TOPBP1: variants seen among roughly 807,000 people sequenced by gnomAD.
TOPBP1 encodes DNA topoisomerase II binding protein 1, also known as DNA topoisomerase 2-binding protein 1.
In TOPBP1, 28 loss-of-function variants were observed where a neutral mutation model predicts 167.7. The observed-to-expected ratio is 0.17, with a 90% CI of 0.12 to 0.23. TOPBP1 has a LOEUF of 0.23. Ranked by LOEUF, TOPBP1 falls within the 10% of genes least tolerant of loss-of-function variation. The pLI, the probability that TOPBP1 is intolerant of heterozygous loss-of-function variation, is 1.00. For missense variants in TOPBP1, 1,554 were observed against 1,809.6 expected, an observed-to-expected ratio of 0.86 and a Z score of 2.56; for synonymous variants, 598 against 611.4, an observed-to-expected ratio of 0.98 and a Z score of 0.32.
intron 20 of TOPBP1, 45 bp from the exon 21 acceptor site, chr3:133,618,478 C>G: frequency 6.3e-7 from 1 of 1,576,004 alleles, no homozygotes; most frequent in Non-Finnish European, 8.7e-7. Context: ...AATAACAAAT[C>G]CAAACTCATT....
rs1231603629 is a variant in TOPBP1 at position 133,601,409 on chromosome 3, T to C, written c.4426-16A>G. 1 of 1,448,808 alleles carries C rather than the reference T, an allele frequency of 6.9e-7. No homozygotes were observed. The highest frequency in any genetic ancestry group is 1.5e-5 in the African/African-American group (1 of 67,942). The allele number at this position is 1,448,808 out of a possible 1,614,324, so 89.7% of individuals were successfully genotyped here. A position where few individuals can be genotyped will look rare whatever the true frequency, so the allele number is the denominator to read the frequency against. ...GAGGTGATTCCTATAAAAGGAAAAATAAGTGATTTTTTAAAATGATTTCAA... is the reference window on the plus strand; with the variant it reads ...GAGGTGATTCCTATAAAAGGAAAAACAAGTGATTTTTTAAAATGATTTCAA... On this transcript the variant is annotated splice_polypyrimidine_tract_variant and intron_variant, in intron 27 of 27. Coordinates refer to ENST00000260810, the MANE Select transcript of TOPBP1 (RefSeq NM_007027.4).
rs1331443615 is a variant in TOPBP1 at position 133,659,409 on chromosome 3, C to T, written c.85-259G>A. ...CTGCTCAAAACCTAATGTCTTCACA[C>T]CACACCCAGAATAAAATCCACATTT... On this transcript the variant is annotated intron_variant, in intron 2 of 27. Coordinates refer to ENST00000260810, the MANE Select transcript of TOPBP1 (RefSeq NM_007027.4). Among the ~76,000 whole-genome samples the T allele has an allele frequency of 2.0e-5, 3 of 152,252 alleles. No homozygotes were observed. The East Asian group carries it at 5.8e-4, about 29-fold the overall frequency.
chr3:133,632,369 C>T (rs896282763), intron 14 of TOPBP1, among the ~76,000 whole-genome samples: 1 of 152,004 alleles, frequency 6.6e-6, no homozygotes, highest in Non-Finnish European at 1.5e-5. Flanking sequence ...CATGCCACCG[C>T]ACTTCAGCCT....
At chr3:133,616,745 T>C (rs1934903543) in intron 23 of TOPBP1, 69 bp downstream of exon 23, 1 of 863,148 alleles carries the variant, frequency 1.2e-6, no homozygotes, top group Admixed American at 3.5e-5. Flanking sequence ...GATATTAATA[T>C]TGACTACATT....
At chr3:133,628,494 A>G (rs1340048313) in intron 15 of TOPBP1, 23 bp from the exon 16 acceptor site, 5 of 1,606,760 alleles carry the variant, frequency 3.1e-6, no homozygotes, top group Non-Finnish European at 4.3e-6. Flanking sequence ...AATAAAAGAA[A>G]CAGATCAGTC....
Position 133,616,820 on chromosome 3 carries a change from T to G in TOPBP1, c.3865A>C (p.Lys1289Gln). ...ERIDYCHLIE[K>Q]LGGLVIEKQC... ...TTAAGTAAAATACTGGTACCTAGTT[T>G]CTCAATCAGATGACAATAGTCAATA... Residue 1289 changes from lysine (K) to glutamine (Q), a missense_variant, in exon 23 of 28, where the codon AAA becomes CAA. Physicochemically the swap from Lys to Gln is moderately conservative, Grantham distance 53 (BLOSUM62 1). Around this residue, in one of 3 missense-constraint regions of TOPBP1, gnomAD observed 351 missense variants for 432.9 expected, o/e 0.81. Transcript: ENST00000260810. The G allele has an allele frequency of 1.3e-6, 2 of 1,510,978 alleles. No homozygotes were observed. The highest frequency in any genetic ancestry group is 1.8e-6 in the Non-Finnish European group (2 of 1,133,000). 93.6% of individuals were successfully genotyped at this position (1,510,978 alleles called of 1,614,324 possible). A position where few individuals can be genotyped will look rare whatever the true frequency, so the allele number is the denominator to read the frequency against.
chr3:133,638,243 A>T, intron 13 of TOPBP1, 81 bp from the exon 14 acceptor site: 1 of 1,340,060 alleles, frequency 7.5e-7, no homozygotes, highest in Non-Finnish European at 1.0e-6. Context: ...AATATTTTAT[A>T]CTGTTTTCTT....
In TOPBP1 at chr3:133,611,105, C is replaced by G; in HGVS notation, c.4072G>C (p.Asp1358His). Residue 1358 changes from aspartate (D) to histidine (H), a missense_variant, in exon 25 of 28, where the codon GAT becomes CAT. By Grantham distance (81) the Asp-to-His change is moderately conservative (BLOSUM62 -1). Coordinates refer to ENST00000260810, the MANE Select transcript of TOPBP1 (RefSeq NM_007027.4). Reference protein sequence around the residue: ...DYEWGSSSILDVLTGINVQQR... With the variant: ...DYEWGSSSILHVLTGINVQQR... ...TGTACATTGATTCCAGTCAGAACAT[C>G]AAGTATGGAACTACTTCCCCATTCA... is the stretch of plus-strand genomic sequence containing the variant. 1 of 1,612,952 alleles carries G rather than the reference C, an allele frequency of 6.2e-7. No individual in the cohort carries two copies. Among genetic ancestry groups the G allele is most frequent in the Non-Finnish European group, 8.5e-7 (1 of 1,179,346 alleles).
chr3:133,644,805 C>T (rs924129881), intron 10 of TOPBP1, among the ~76,000 whole-genome samples: 5 of 152,114 alleles, frequency 3.3e-5, no homozygotes, highest in African/African-American at 9.7e-5. Context: ...CTGGCAAATC[C>T]TAAAATATTT....
At position 133,628,672 on chromosome 3, in the gene TOPBP1, G is replaced by A. The variant is rs201984734; in HGVS notation, c.2582C>T (p.Thr861Met). The A allele has an allele frequency of 3.7e-5, 58 of 1,568,562 alleles. No homozygotes were observed. The South Asian group carries it at 5.2e-4, about 14-fold the overall frequency. ...TTTGACAATAACTTCTGAGAGTGGC[G>A]TACTCGGTTTCCTTTTCTGTTGGCT... ...RPSQQKRKPS[T>M]PLSEVIVKNL... Residue 861 changes from threonine to methionine, a missense_variant, in exon 15 of 28, where the codon ACG becomes ATG. By Grantham distance (81) the Thr-to-Met change is moderately conservative (BLOSUM62 -1). Coordinates refer to ENST00000260810, the MANE Select transcript of TOPBP1 (RefSeq NM_007027.4).
chr3:133,628,744 G>A lies in TOPBP1; in HGVS notation c.2521-11C>T. Reference sequence around the variant, plus strand: ...GGCTGCAAGTGCATCCTATACATATGAAGGAGAGAGAGAGATGGAGAAAAG... The same window carrying A: ...GGCTGCAAGTGCATCCTATACATATAAAGGAGAGAGAGAGATGGAGAAAAG... On this transcript the variant is annotated splice_polypyrimidine_tract_variant and intron_variant, in intron 14 of 27. Coordinates refer to ENST00000260810, the MANE Select transcript of TOPBP1 (RefSeq NM_007027.4). The A allele has an allele frequency of 6.4e-7, 1 of 1,550,564 alleles. No homozygotes were observed. Among genetic ancestry groups the A allele is most frequent in the East Asian group, 2.4e-5 (1 of 40,910 alleles).
chr3:133,644,420 C>T lies in TOPBP1; in HGVS notation c.1505-57G>A, dbSNP rs1576307561. The T allele has an allele frequency of 2.1e-5, 29 of 1,405,782 alleles. No homozygotes were observed. In the South Asian group the frequency reaches 4.2e-4, roughly 20 times the overall value. The allele number at this position is 1,405,782 out of a possible 1,614,324, so 87.1% of individuals were successfully genotyped here. A position where few individuals can be genotyped will look rare whatever the true frequency, so the allele number is the denominator to read the frequency against. ...ACAATTTACCTTATACAGTTTACTT[C>T]CTAGCAAGGATATTAACGTAACATG... On this transcript the variant is annotated intron_variant, in intron 10 of 27. Transcript: ENST00000260810.
chr3:133,649,557 G>A lies in TOPBP1; in HGVS notation c.1330C>T (p.His444Tyr). The part of the protein sequence containing the change: ...GYMLSEEPYI[H>Y]ANYQPVEIPV... ...ATTTCCACTGGCTGGTAATTAGCATGGATATATGGTTCTTCAGAAAGCATA... is the reference window on the plus strand; with the variant it reads ...ATTTCCACTGGCTGGTAATTAGCATAGATATATGGTTCTTCAGAAAGCATA... The change falls in exon 10 of 28, where the codon CAT becomes TAT. Residue 444 changes from histidine (H) to tyrosine (Y), a missense_variant. His to Tyr is a moderately conservative substitution (Grantham distance 83). This residue lies in a region of TOPBP1 where 1,197 missense variants were observed against 1,351.5 expected (regional missense o/e 0.89). Coordinates refer to ENST00000260810, the MANE Select transcript of TOPBP1 (RefSeq NM_007027.4). The A allele has an allele frequency of 6.2e-7, 1 of 1,613,792 alleles. No individual in the cohort carries two copies. Among genetic ancestry groups the A allele is most frequent in the Non-Finnish European group, 8.5e-7 (1 of 1,179,856 alleles).
rs868191622 is a variant in TOPBP1, at chr3:133,624,131, C to T, written c.2849G>A (p.Arg950Gln). 24 of 1,613,556 alleles carry T rather than the reference C, an allele frequency of 1.5e-5. No homozygotes were observed. Among genetic ancestry groups the T allele is most frequent in the Admixed American group, 3.3e-5 (2 of 59,976 alleles). ...ETVTHFIYQGRPNDTNREYKS... is the reference protein window; with the variant it reads ...ETVTHFIYQGQPNDTNREYKS... ...ATACTCCCGATTAGTGTCATTTGGC[C>T]GCCCTTGATAGATGAAATGAGTCAC... The change falls in exon 17 of 28, where the codon CGG becomes CAG. Residue 950 changes from arginine to glutamine, a missense_variant. Arg to Gln is a conservative substitution (Grantham distance 43). This residue lies in a region of TOPBP1 where 1,197 missense variants were observed against 1,351.5 expected (regional missense o/e 0.89). Transcript: ENST00000260810.
intron 25 of TOPBP1, among the ~76,000 whole-genome samples, chr3:133,610,034 TTTG>T (rs1172008484): frequency 6.6e-6 from 1 of 152,126 alleles, no homozygotes; most frequent in African/African-American, 2.4e-5. Context: ...TAAAAACAAA[TTTG>T]TTGTGTAATT....
At chr3:133,610,908 CATT>C in intron 25 of TOPBP1, 93 bp downstream of exon 25, 1 of 1,322,800 alleles carries the variant, frequency 7.6e-7, no homozygotes, top group African/African-American at 1.5e-5. Context: ...CAAGTAGAAT[CATT>C]ATTTCCTGAA....
Position 133,620,258 on chromosome 3 carries a change from G to A in TOPBP1, c.3268C>T (p.Gln1090Ter), listed in dbSNP as rs1230134053. ...CCACTTCTTGAAAGGGAAGTCCTCT[G>A]CCCTTGGGGTTTCACTATTGATGTT... is the stretch of plus-strand genomic sequence containing the variant. ...SATSIVKPQGQRTSLSRSGCN... is the reference protein window; with the variant it reads ...SATSIVKPQG Residue 1090 changes from glutamine to a stop codon, truncating the protein, a stop_gained, in exon 20 of 28, where the codon CAG (glutamine) becomes TAG (stop). Transcript: ENST00000260810. LOFTEE classifies it high-confidence loss of function. 6.2e-7 allele frequency: 1 copy of A among 1,613,834 alleles called. No homozygotes were observed. Among genetic ancestry groups the A allele is most frequent in the Non-Finnish European group, 8.5e-7 (1 of 1,179,880 alleles).
Position 133,612,569 on chromosome 3 carries a change from T to C in TOPBP1, c.3872-17A>G. Reference sequence around the variant, plus strand: ...CCAATCCACCTTAAGCAGAGAAAAATGGATTGTACTTTATTGATTCCCAAC... The same window carrying C: ...CCAATCCACCTTAAGCAGAGAAAAACGGATTGTACTTTATTGATTCCCAAC... On this transcript the variant is annotated splice_polypyrimidine_tract_variant and intron_variant, in intron 23 of 27. Transcript: ENST00000260810. 6.3e-7 allele frequency: 1 copy of C among 1,597,388 alleles called. No individual in the cohort carries two copies. The highest frequency in any genetic ancestry group is 8.5e-7 in the Non-Finnish European group (1 of 1,170,280).
In TOPBP1 at chr3:133,617,959, T is replaced by C. The variant is rs547649206; in HGVS notation, c.3592+254A>G. On this transcript the variant is annotated intron_variant, in intron 21 of 27. Transcript: ENST00000260810. ...GTTAGCTAGAATAAAAGAACAATGG[T>C]AGACACCATGTCTAGAAAAAAACGC... is the stretch of plus-strand genomic sequence containing the variant. 2.6e-5 allele frequency among the ~76,000 whole-genome samples: 4 copies of C among 152,282 alleles called. No homozygotes were observed. In the East Asian group the frequency reaches 7.7e-4, roughly 29 times the overall value.
Sources: allele counts gnomAD v4.1 joint callset (sites outside exome capture counted in the v4.1 genomes callset), GRCh38; gene constraint gnomAD v4.1.1; regional missense constraint gnomAD v4.1.1; transcripts MANE v1.5; gene names NCBI Gene and HGNC (gene_info 2026-07-23, HGNC 2026-07-21).